BICRA: variants seen among roughly 807,000 people sequenced by gnomAD.
BICRA encodes the protein BRD4-interacting chromatin-remodeling complex-associated protein.
BICRA carries 31 observed loss-of-function variants against 96.9 expected under a neutral mutation model. The ratio of observed to expected loss-of-function variants is 0.32; its 90% CI spans 0.24 to 0.43. The LOEUF is 0.43. BICRA is among the 20% of genes least tolerant of loss of function. BICRA has a pLI of 1.00. For synonymous variants in BICRA, 1,350 were observed against 1,071.8 expected, an observed-to-expected ratio of 1.26 and a Z score of -5.07; for missense variants, 2,283 against 2,190.3, an observed-to-expected ratio of 1.04 and a Z score of -0.84.
At chr19:47,626,878 C>T (rs542469285) in intron 1 of BICRA, among the ~76,000 whole-genome samples, 1 of 152,074 alleles carries the variant, frequency 6.6e-6, no homozygotes, top group East Asian at 1.9e-4. Flanking sequence ...CCCACCACCA[C>T]ACCCAGCTAA....
intron 1 of BICRA, among the ~76,000 whole-genome samples, chr19:47,641,215 T>G (rs746704398): frequency 1.1e-4 from 17 of 151,650 alleles, no homozygotes; most frequent in Non-Finnish European, 2.4e-4. Context: ...CCACCGCACC[T>G]GGCCAGTTTT....
At chr19:47,696,327 A>T in intron 10 of BICRA, 124 bp from the exon 11 acceptor site, 1 of 816,600 alleles carries the variant, frequency 1.2e-6, no homozygotes, top group Non-Finnish European at 1.9e-6. Flanking sequence ...AGCTGGGGCC[A>T]GGCCCCCACC....
At chr19:47,685,881 C>T (rs886156714) in intron 7 of BICRA, among the ~76,000 whole-genome samples, 4 of 151,784 alleles carry the variant, frequency 2.6e-5, no homozygotes, top group East Asian at 1.9e-4. Context: ...TATTTAGCAA[C>T]GCATCTTGGA....
Position 47,679,357 on chromosome 19 carries a change from C to A in BICRA, c.187C>A (p.Pro63Thr). The change falls in exon 6 of 15, where the codon CCA becomes ACA. Residue 63 changes from proline to threonine, a missense_variant. By Grantham distance (38) the Pro-to-Thr change is conservative (BLOSUM62 -1). Coordinates refer to ENST00000594866, the MANE Select transcript of BICRA (RefSeq NM_001394372.1). ...VQEASGNHLN[P>T]EPNQPAPSVD... Reference sequence around the variant, plus strand: ...AGAAGCTTCCGGCAACCACCTGAACCCAGAGCCCAACCAGCCGGCCCCCAG... The same window carrying A: ...AGAAGCTTCCGGCAACCACCTGAACACAGAGCCCAACCAGCCGGCCCCCAG... The A allele has an allele frequency of 7.0e-7, 1 of 1,434,648 alleles. No homozygotes were observed. The highest frequency in any genetic ancestry group is 9.2e-7 in the Non-Finnish European group (1 of 1,092,492). The allele number at this position is 1,434,648 out of a possible 1,614,324, so 88.9% of individuals were successfully genotyped here. A position where few individuals can be genotyped will look rare whatever the true frequency, so the allele number is the denominator to read the frequency against.
Position 47,694,671 on chromosome 19 carries a change from C to T in BICRA, c.2840C>T (p.Thr947Ile). 6.3e-7 allele frequency: 1 copy of T among 1,594,622 alleles called. No homozygotes were observed. Among genetic ancestry groups the T allele is most frequent in the Non-Finnish European group, 8.6e-7 (1 of 1,166,460 alleles). Reference sequence around the variant, plus strand: ...CCTCCTCGGACCTTCCAGATGGTGACCACCCCCTTCCCAGCGCTGCCCCAG... The same window carrying T: ...CCTCCTCGGACCTTCCAGATGGTGATCACCCCCTTCCCAGCGCTGCCCCAG... Reference protein sequence around the residue: ...PPPPRTFQMVTTPFPALPQPK... With the variant: ...PPPPRTFQMVITPFPALPQPK... Residue 947 changes from threonine (T) to isoleucine (I), a missense_variant, in exon 8 of 15, where the codon ACC (threonine) becomes ATC (isoleucine). Physicochemically the swap from Thr to Ile is moderately conservative, Grantham distance 89 (BLOSUM62 -1). Coordinates refer to ENST00000594866, the MANE Select transcript of BICRA (RefSeq NM_001394372.1).
At chr19:47,628,855 G>A (rs1015828496) in intron 1 of BICRA, among the ~76,000 whole-genome samples, 1 of 151,954 alleles carries the variant, frequency 6.6e-6, no homozygotes, top group African/African-American at 2.4e-5. Context: ...TGATCCTCCT[G>A]CCTCGGCCTC....
intron 1 of BICRA, among the ~76,000 whole-genome samples, chr19:47,650,416 C>G (rs1008742009): frequency 6.6e-6 from 1 of 152,144 alleles, no homozygotes; most frequent in Admixed American, 6.5e-5. Flanking sequence ...GCCACGGCAC[C>G]TGGCCAATTT....
rs746911130 is a variant in BICRA, at chr19:47,701,629, C to T, written c.3897C>T (p.Thr1299=). 1.3e-6 allele frequency: 2 copies of T among 1,579,624 alleles called. No homozygotes were observed. Among genetic ancestry groups the T allele is most frequent in the Non-Finnish European group, 1.7e-6 (2 of 1,164,150 alleles). The change falls in exon 15 of 15, where the codon ACC becomes ACT. Residue 1299 remains threonine (T), a synonymous_variant. Coordinates refer to ENST00000594866, the MANE Select transcript of BICRA (RefSeq NM_001394372.1). This position sits in a 1 kb window ranked among gnomAD's most constrained non-coding sequence, Gnocchi z 5.4. ...CCCGCAACCGCCCGCCCATCAAGAC[C>T]TACGAGGCCCGGAGCCGCATCGGGC... ...MPSRNRPPIK[T]YEARSRIGLK...
rs1318820841 is a variant in BICRA, at chr19:47,699,602, A to C, written c.3595+197A>C. On this transcript the variant is annotated intron_variant, in intron 14 of 14. Transcript: ENST00000594866. The surrounding 1 kb of genome is among the most constrained non-coding windows in gnomAD (Gnocchi z 5.0). ...CTCTCAGACCAGATAGCCCACATCC[A>C]TCTTCCTCCATCCCTGTGTGGCCCT... Among the ~76,000 whole-genome samples the C allele has an allele frequency of 6.6e-6, 1 of 152,058 alleles. No individual in the cohort carries two copies. The highest frequency in any genetic ancestry group is 1.5e-5 in the Non-Finnish European group (1 of 67,998).
intron 1 of BICRA, among the ~76,000 whole-genome samples, chr19:47,621,634 C>T (rs2921546): frequency 0.86 from 130,254 of 151,042 alleles, 56,262 homozygotes; most frequent in Admixed American, 0.89. Context: ...CCACCACACC[C>T]GGCTGATTTT....
At chr19:47,631,008 C>G (rs1436616646) in intron 1 of BICRA, among the ~76,000 whole-genome samples, 1 of 152,114 alleles carries the variant, frequency 6.6e-6, no homozygotes, top group Admixed American at 6.5e-5. Context: ...TTCAAGTGCT[C>G]AAATGTCACG....
chr19:47,702,557 C>T lies in BICRA; in HGVS notation c.*142C>T, dbSNP rs1211200964. On this transcript the variant is annotated 3_prime_UTR_variant, in exon 15 of 15. Coordinates refer to ENST00000594866, the MANE Select transcript of BICRA (RefSeq NM_001394372.1). Reference sequence around the variant, plus strand: ...TAAGTTATTTGAGTCACAAAGGCCTCCTTCCCTGCCGCCTGCTTCAGCTGG... The same window carrying T: ...TAAGTTATTTGAGTCACAAAGGCCTTCTTCCCTGCCGCCTGCTTCAGCTGG... 3.1e-6 allele frequency: 3 copies of T among 967,890 alleles called. No homozygotes were observed. The highest frequency in any genetic ancestry group is 4.3e-6 in the Non-Finnish European group (3 of 704,030). The allele number at this position is 967,890 out of a possible 1,614,324, so 60.0% of individuals were successfully genotyped here. A position where few individuals can be genotyped will look rare whatever the true frequency, so the allele number is the denominator to read the frequency against.
chr19:47,651,174 C>T (rs1416337321), intron 1 of BICRA, among the ~76,000 whole-genome samples: 1 of 152,116 alleles, frequency 6.6e-6, no homozygotes, highest in Non-Finnish European at 1.5e-5. Context: ...AACCTGTGAA[C>T]ACCCAAGTCA....
chr19:47,635,201 A>G, intron 1 of BICRA, among the ~76,000 whole-genome samples: 1 of 152,026 alleles, frequency 6.6e-6, no homozygotes, highest in Admixed American at 6.6e-5. Flanking sequence ...TGGTGGCACT[A>G]AGTACCTTCA....
At position 47,702,605 on chromosome 19, in the gene BICRA, T is replaced by C; in HGVS notation, c.*190T>C. On this transcript the variant is annotated 3_prime_UTR_variant, in exon 15 of 15. Coordinates refer to ENST00000594866, the MANE Select transcript of BICRA (RefSeq NM_001394372.1). ...TGGGTTGCTGGGGGGTGGGCGTGGA[T>C]TTAGGGAGGGGGCTGTGATGTAAAA... is the stretch of plus-strand genomic sequence containing the variant. 6.5e-6 allele frequency: 4 copies of C among 617,310 alleles called. No homozygotes were observed. Among genetic ancestry groups the C allele is most frequent in the Non-Finnish European group, 1.0e-5 (4 of 383,716 alleles). 38.2% of individuals were successfully genotyped at this position (617,310 alleles called of 1,614,324 possible).
At chr19:47,688,772 G>GAC (rs1342326818) in intron 7 of BICRA, among the ~76,000 whole-genome samples, 1 of 151,738 alleles carries the variant, frequency 6.6e-6, no homozygotes, top group East Asian at 1.9e-4. Flanking sequence ...CAGCCTGGGT[G>GAC]ACAGAGCGAG....
In BICRA at chr19:47,701,969, A is replaced by G. The variant is rs1007989893; in HGVS notation, c.4237A>G (p.Ser1413Gly). 6 of 1,460,734 alleles carry G rather than the reference A, an allele frequency of 4.1e-6. No homozygotes were observed. The African/African-American group carries it at 7.5e-5, about 18-fold the overall frequency. The allele number at this position is 1,460,734 out of a possible 1,614,324, so 90.5% of individuals were successfully genotyped here. Residue 1413 changes from serine to glycine, a missense_variant, in exon 15 of 15, where the codon AGC becomes GGC. Ser to Gly is a moderately conservative substitution (Grantham distance 56). Transcript: ENST00000594866. This position sits in a 1 kb window ranked among gnomAD's most constrained non-coding sequence, Gnocchi z 5.4. ...GCCCGCAGGCAGGGCACGGGGAGGC[A>G]GCCCGGCGCCGCTGCCCGCCAAAGT... ...GTPAGRARGG[S>G]PAPLPAKVDE...
chr19:47,671,187 G>T (rs916613057), intron 2 of BICRA, among the ~76,000 whole-genome samples: 1 of 152,228 alleles, frequency 6.6e-6, no homozygotes, highest in Non-Finnish European at 1.5e-5. Context: ...ACTGTGGGGG[G>T]TCCCTGGTCA....
chr19:47,669,182 A>G (rs1429643372), intron 1 of BICRA, among the ~76,000 whole-genome samples: 1 of 152,128 alleles, frequency 6.6e-6, no homozygotes, highest in Non-Finnish European at 1.5e-5. Context: ...AAGGGCAGTG[A>G]GGCTGTGATG....
Sources: gnomAD v4.1 joint callset for allele counts (sites outside exome capture counted in the v4.1 genomes callset) on GRCh38, gnomAD v4.1.1 for gene constraint, Gnocchi (gnomAD v3.1) non-coding constraint, MANE v1.5 for transcripts, NCBI Gene and HGNC (gene_info 2026-07-23, HGNC 2026-07-21) for gene names.